The following EXT1 variants were observed in gnomAD, a reference collection of about 807,000 sequenced individuals.
EXT1 encodes exostosin glycosyltransferase 1, also known as exostosin-1.
In EXT1, 20 loss-of-function variants were observed where a neutral mutation model predicts 82.5. That is an observed-to-expected ratio of 0.24 (90% CI 0.17 to 0.35). The LOEUF (loss-of-function observed/expected upper bound fraction) is 0.35. Among genes scored for constraint, EXT1 ranks in the 10% least tolerant of loss-of-function variants. EXT1 has a pLI of 1.00. For missense variants in EXT1, 757 were observed against 936.5 expected (o/e 0.81, Z 2.50); for synonymous variants, 348 against 350.8 (o/e 0.99, Z 0.09).
chr8:118,105,623 A>G (rs938542467), intron 1 of EXT1, among the ~76,000 whole-genome samples: 2 of 152,226 alleles, frequency 1.3e-5, no homozygotes, highest in African/African-American at 2.4e-5. Context: ...TGCCAACTTC[A>G]TAATTTTCCA....
chr8:117,858,909 G>GAAAGAAAT (rs1812634231), intron 1 of EXT1, among the ~76,000 whole-genome samples: 1 of 143,858 alleles, frequency 7.0e-6, no homozygotes, highest in African/African-American at 2.5e-5. Context: ...AAGAAAGAAA[G>GAAAGAAAT]AAATTGCCAC....
chr8:118,101,299 T>G (rs1409274425), intron 1 of EXT1, among the ~76,000 whole-genome samples: 3 of 152,166 alleles, frequency 2.0e-5, no homozygotes, highest in African/African-American at 7.2e-5. Context: ...GGCTCTCCCT[T>G]TTAAAGGGCT....
chr8:117,827,149 A>T (rs1563572813), intron 4 of EXT1, among the ~76,000 whole-genome samples: 1 of 152,180 alleles, frequency 6.6e-6, no homozygotes, highest in Non-Finnish European at 1.5e-5. Context: ...AGGTGGATAT[A>T]ATGTTTTTGG....
At chr8:118,078,793 G>A (rs904234950) in intron 1 of EXT1, among the ~76,000 whole-genome samples, 2 of 152,170 alleles carry the variant, frequency 1.3e-5, no homozygotes, top group African/African-American at 4.8e-5. Context: ...AACCAAGAGT[G>A]AGACGTGCAC....
At chr8:117,987,660 G>A (rs911240275) in intron 1 of EXT1, among the ~76,000 whole-genome samples, 1 of 152,210 alleles carries the variant, frequency 6.6e-6, no homozygotes, top group African/African-American at 2.4e-5. Flanking sequence ...CTATGTTTAA[G>A]TTGCTACCTC....
chr8:118,043,381 T>C (rs1174934990), intron 1 of EXT1, among the ~76,000 whole-genome samples: 1 of 152,200 alleles, frequency 6.6e-6, no homozygotes, highest in Non-Finnish European at 1.5e-5. Flanking sequence ...AATTATTTCC[T>C]AGGAAAGAGA....
chr8:117,847,178 G>C (rs368751267), intron 1 of EXT1, among the ~76,000 whole-genome samples: 1 of 152,124 alleles, frequency 6.6e-6, no homozygotes, highest in Admixed American at 6.5e-5. Context: ...AAGTGTACAG[G>C]GGCTATGGAA....
intron 4 of EXT1, among the ~76,000 whole-genome samples, chr8:117,826,003 T>C (rs951206117): frequency 1.3e-5 from 2 of 152,206 alleles, no homozygotes; most frequent in African/African-American, 4.8e-5. Flanking sequence ...TGTGCAATAT[T>C]CTGACAAATA....
chr8:117,956,548 T>C (rs1228179739), intron 1 of EXT1, among the ~76,000 whole-genome samples: 1 of 152,154 alleles, frequency 6.6e-6, no homozygotes, highest in African/African-American at 2.4e-5. Context: ...GTTCAAGCAA[T>C]TCTCCTGCCT....
chr8:117,973,926 A>AAAGGAAGGAAGGAAGGAAGG (rs1196438624), intron 1 of EXT1, among the ~76,000 whole-genome samples: 2 of 71,646 alleles, frequency 2.8e-5, no homozygotes, highest in Non-Finnish European at 5.7e-5. Flanking sequence ...AGAAAGGCAG[A>AAAGGAAGGAAGGAAGGAAGG]AAGCAAGGAA....
chr8:118,035,939 T>C (rs1816410824), intron 1 of EXT1, among the ~76,000 whole-genome samples: 1 of 152,234 alleles, frequency 6.6e-6, no homozygotes, highest in African/African-American at 2.4e-5. Flanking sequence ...AGAGATAATT[T>C]ACTCATCTCT....
chr8:117,924,563 T>C (rs958381), intron 1 of EXT1, among the ~76,000 whole-genome samples: 118,069 of 152,114 alleles, frequency 0.78, 47,056 homozygotes, highest in African/African-American at 0.95. Flanking sequence ...CTCACATTGT[T>C]CTCCTTGGTT....
At chr8:118,086,304 T>C (rs1817416570) in intron 1 of EXT1, among the ~76,000 whole-genome samples, 1 of 152,170 alleles carries the variant, frequency 6.6e-6, no homozygotes, top group South Asian at 2.1e-4. Flanking sequence ...CCTCTTTAGG[T>C]AAACCATTTT....
intron 1 of EXT1, among the ~76,000 whole-genome samples, chr8:118,035,281 T>G (rs1816398903): frequency 6.6e-6 from 1 of 152,136 alleles, no homozygotes; most frequent in Non-Finnish European, 1.5e-5. Context: ...CAAGTCACTC[T>G]CCAGAGTCGG....
intron 1 of EXT1, among the ~76,000 whole-genome samples, chr8:118,029,019 A>G (rs906490130): frequency 6.6e-6 from 1 of 152,226 alleles, no homozygotes; most frequent in Admixed American, 6.5e-5. Flanking sequence ...AAATCAAAAT[A>G]TATGATTGTC....
intron 1 of EXT1, among the ~76,000 whole-genome samples, chr8:118,101,020 T>C (rs1817709552): frequency 6.6e-6 from 1 of 152,196 alleles, no homozygotes; most frequent in Admixed American, 6.5e-5. Flanking sequence ...GTGGCTTAGT[T>C]AGGAAGAGCT....
intron 8 of EXT1, among the ~76,000 whole-genome samples, chr8:117,808,345 C>T (rs866368184): frequency 2.0e-5 from 3 of 152,216 alleles, no homozygotes; most frequent in Non-Finnish European, 2.9e-5. Flanking sequence ...CACAATACCC[C>T]TGTAAGGCAG....
rs1586280327 is a variant in EXT1, at chr8:118,111,002, A to C, written c.45T>G (p.Ser15=). The C allele has an allele frequency of 6.2e-7, 1 of 1,606,258 alleles. No individual in the cohort carries two copies. The highest frequency in any genetic ancestry group is 8.5e-7 in the Non-Finnish European group (1 of 1,179,800). ...CGAAATAAAACAAAAGGGCGAGACA[A>C]GAGCCAGCTGAGAGCAGGATGAAAT... The part of the protein sequence containing the change: ...KRYFILLSAG[S]CLALLFYFGG... The change falls in exon 1 of 11, where the codon TCT becomes TCG. Residue 15 remains serine (S), a synonymous_variant. Coordinates refer to ENST00000378204, the MANE Select transcript of EXT1 (RefSeq NM_000127.3).
intron 1 of EXT1, among the ~76,000 whole-genome samples, chr8:118,104,440 A>T (rs771095352): frequency 1.4e-4 from 21 of 152,210 alleles, no homozygotes; most frequent in Non-Finnish European, 2.2e-4. Flanking sequence ...GCCACTGCAT[A>T]CAACATTCAC....
Sources: gnomAD v4.1 joint callset for allele counts (sites outside exome capture counted in the v4.1 genomes callset) on GRCh38, gnomAD v4.1.1 for gene constraint, MANE v1.5 for transcripts, NCBI Gene and HGNC (gene_info 2026-07-23, HGNC 2026-07-21) for gene names.